PPP1R1C: variants seen among roughly 807,000 people sequenced by gnomAD.
The protein encoded by PPP1R1C is protein phosphatase 1 regulatory inhibitor subunit 1C, also known as protein phosphatase 1 regulatory subunit 1C.
PPP1R1C carries 15 observed loss-of-function variants against 17.4 expected under a neutral mutation model. The observed-to-expected ratio is 0.86, with a 90% CI of 0.58 to 1.33. PPP1R1C has a LOEUF of 1.33. Ranked by LOEUF, PPP1R1C falls within the 40% of genes most tolerant of loss-of-function variation. PPP1R1C has a pLI of 0.00. For missense variants in PPP1R1C, 143 were observed against 130.0 expected (o/e 1.10, Z -0.48); for synonymous variants, 35 against 43.1 (o/e 0.81, Z 0.73).
chr2:182,093,209 T>C (rs560856318), intron 4 of PPP1R1C, among the ~76,000 whole-genome samples: 7 of 152,268 alleles, frequency 4.6e-5, no homozygotes, highest in East Asian at 1.9e-4. Flanking sequence ...CTGCCAAGGA[T>C]TGGGGCTTCC....
At chr2:182,011,477 CTTAT>C (rs1255124118) in intron 2 of PPP1R1C, among the ~76,000 whole-genome samples, 2 of 151,930 alleles carry the variant, frequency 1.3e-5, no homozygotes, top group Non-Finnish European at 2.9e-5. Context: ...ATTTTTGTCT[CTTAT>C]TTTATTTATT....
intron 4 of PPP1R1C, among the ~76,000 whole-genome samples, chr2:182,077,650 T>C (rs1256211583): frequency 6.6e-6 from 1 of 152,230 alleles, no homozygotes; most frequent in East Asian, 1.9e-4. Context: ...AATAATGTTC[T>C]GTTCTACCCC....
chr2:182,074,233 G>A (rs1183416385), intron 4 of PPP1R1C, among the ~76,000 whole-genome samples: 1 of 151,854 alleles, frequency 6.6e-6, no homozygotes, highest in East Asian at 2.0e-4. Context: ...AGTAGAGACG[G>A]GGTTTCACCA....
intron 4 of PPP1R1C, among the ~76,000 whole-genome samples, chr2:182,066,321 A>G (rs1035726314): frequency 3.9e-5 from 6 of 152,104 alleles, no homozygotes; most frequent in African/African-American, 1.2e-4. Context: ...TCGGCATGTT[A>G]TATTTTGTAT....
In PPP1R1C at chr2:182,077,660, C is replaced by G. The variant is rs528398963; in HGVS notation, c.241+13869C>G. ...GTATAAATAATGTTCTGTTCTACCC[C>G]TGATAATTGGCCAGTAGAGCCTCCT... On this transcript the variant is annotated intron_variant, in intron 4 of 4. Transcript: ENST00000682840. 5.9e-5 allele frequency among the ~76,000 whole-genome samples: 9 copies of G among 152,294 alleles called. No homozygotes were observed. In the South Asian group the frequency reaches 1.9e-3, roughly 32 times the overall value.
chr2:182,083,392 C>T (rs1242868195), intron 4 of PPP1R1C, among the ~76,000 whole-genome samples: 1 of 152,072 alleles, frequency 6.6e-6, no homozygotes, highest in Non-Finnish European at 1.5e-5. Flanking sequence ...TTTTTTAGCT[C>T]TCACCCCTCT....
intron 2 of PPP1R1C, among the ~76,000 whole-genome samples, chr2:182,006,231 C>A (rs1224246234): frequency 6.6e-6 from 1 of 152,002 alleles, no homozygotes; most frequent in Non-Finnish European, 1.5e-5. Context: ...CATGATCTTA[C>A]TAAATAAAGA....
intron 4 of PPP1R1C, among the ~76,000 whole-genome samples, chr2:182,109,843 G>A (rs1689365185): frequency 6.6e-6 from 1 of 152,098 alleles, no homozygotes; most frequent in African/African-American, 2.4e-5. Flanking sequence ...AGCCACCACT[G>A]GGCATGTTCA....
intron 4 of PPP1R1C, among the ~76,000 whole-genome samples, chr2:182,090,723 G>A (rs947076187): frequency 6.6e-6 from 1 of 152,182 alleles, no homozygotes; most frequent in African/African-American, 2.4e-5. Flanking sequence ...GGTTTTGAAC[G>A]TCAAGTGTTT....
At chr2:182,069,911 AC>A (rs1287087930) in intron 4 of PPP1R1C, among the ~76,000 whole-genome samples, 1 of 152,202 alleles carries the variant, frequency 6.6e-6, no homozygotes, top group African/African-American at 2.4e-5. Flanking sequence ...TTGTGTAAGT[AC>A]TAATAACACA....
At chr2:182,086,005 T>C (rs1235218016) in intron 4 of PPP1R1C, among the ~76,000 whole-genome samples, 2 of 152,074 alleles carry the variant, frequency 1.3e-5, no homozygotes, top group African/African-American at 2.4e-5. Flanking sequence ...TAATCAGATA[T>C]TAGATCTGGA....
chr2:182,073,753 C>G (rs561140888), intron 4 of PPP1R1C, among the ~76,000 whole-genome samples: 1 of 152,018 alleles, frequency 6.6e-6, no homozygotes, highest in Admixed American at 6.5e-5. Context: ...GGGGTAGATT[C>G]CAGAAAGAGG....
At chr2:182,049,820 A>AT (rs1158040618) in intron 2 of PPP1R1C, among the ~76,000 whole-genome samples, 6 of 152,048 alleles carry the variant, frequency 3.9e-5, no homozygotes, top group African/African-American at 1.5e-4. Context: ...TTTTCAAGAG[A>AT]TTTCCATATT....
At chr2:182,003,078 A>G (rs2125150513) in intron 2 of PPP1R1C, among the ~76,000 whole-genome samples, 1 of 152,136 alleles carries the variant, frequency 6.6e-6, no homozygotes, top group African/African-American at 2.4e-5. Flanking sequence ...CAAACTATCA[A>G]CATATAGGGG....
chr2:182,002,141 T>G (rs765720387), intron 2 of PPP1R1C, among the ~76,000 whole-genome samples: 2 of 152,116 alleles, frequency 1.3e-5, no homozygotes, highest in Non-Finnish European at 2.9e-5. Flanking sequence ...AGAATGTTGA[T>G]ATTCTTCTTA....
chr2:182,023,432 G>T (rs544420345), intron 2 of PPP1R1C, among the ~76,000 whole-genome samples: 43 of 152,086 alleles, frequency 2.8e-4, no homozygotes, highest in African/African-American at 1.0e-3. Flanking sequence ...AAAAAAGAGT[G>T]AGGGCAAAGA....
intron 2 of PPP1R1C, among the ~76,000 whole-genome samples, chr2:182,015,955 G>A (rs79566905): frequency 0.024 from 3,697 of 152,218 alleles, 143 homozygotes; most frequent in African/African-American, 0.084. Context: ...CCATGTGTGC[G>A]TGTGCCGGCT....
intron 2 of PPP1R1C, among the ~76,000 whole-genome samples, chr2:182,009,205 T>C (rs1465353765): frequency 6.6e-6 from 1 of 152,140 alleles, no homozygotes; most frequent in African/African-American, 2.4e-5. Flanking sequence ...GGAACCTCCA[T>C]ACTCTTCTCC....
chr2:182,082,512 C>T (rs1688509913), intron 4 of PPP1R1C, among the ~76,000 whole-genome samples: 1 of 152,046 alleles, frequency 6.6e-6, no homozygotes, highest in Non-Finnish European at 1.5e-5. Flanking sequence ...GTAAGACAGC[C>T]TTGGTCATGG....
Sources: allele counts gnomAD v4.1 joint callset (sites outside exome capture counted in the v4.1 genomes callset), GRCh38; gene constraint gnomAD v4.1.1; transcripts MANE v1.5; gene names NCBI Gene and HGNC (gene_info 2026-07-23, HGNC 2026-07-21).